The following LIMS2 variants were observed in gnomAD, a reference collection of about 807,000 sequenced individuals.
LIMS2 encodes LIM and senescent cell antigen-like-containing domain protein 2.
In LIMS2, 30 loss-of-function variants were observed where a neutral mutation model predicts 45.3. The observed-to-expected ratio is 0.66, with a 90% CI of 0.50 to 0.90. LIMS2 has a LOEUF of 0.90. Ranked by LOEUF, LIMS2 falls within the 40% of genes least tolerant of loss-of-function variation. LIMS2 has a pLI of 0.00. For missense variants in LIMS2, 485 were observed against 468.7 expected (o/e 1.03, Z -0.32); for synonymous variants, 173 against 188.0 (o/e 0.92, Z 0.65).
rs778992518 is a variant in LIMS2 at position 127,675,065 on chromosome 2, CG to C, written c.-42del. On this transcript the variant is annotated 5_prime_UTR_variant, in exon 1 of 10. Coordinates refer to ENST00000355119, the MANE Select transcript of LIMS2 (RefSeq NM_001161403.3). ...GAGCCCTGGGTTGCCGGGGTTGCCG[CG>C]GGTCTCCCTCTGCTGCTGCAGCCGC... 1 of 1,228,888 alleles carries C rather than the reference CG, an allele frequency of 8.1e-7. No homozygotes were observed. Among genetic ancestry groups the C allele is most frequent in the South Asian group, 4.1e-5 (1 of 24,312 alleles). The allele number at this position is 1,228,888 out of a possible 1,614,324, so 76.1% of individuals were successfully genotyped here. A position where few individuals can be genotyped will look rare whatever the true frequency, so the allele number is the denominator to read the frequency against.
rs562945179 is a variant in LIMS2, at chr2:127,651,723, G to A, written c.359+2701C>T. 3.1e-5 allele frequency: 50 copies of A among 1,612,900 alleles called. No homozygotes were observed. The highest frequency in any genetic ancestry group is 5.0e-5 in the Admixed American group (3 of 60,030). ...CCCCAGCTTCGAAGGGAAAACCAAC[G>A]AGAGCTCGCTGAGTGCCAAGTCAGA... On this transcript the variant is annotated intron_variant, in intron 4 of 9. Transcript: ENST00000355119.
rs369196530 is a variant in LIMS2, at chr2:127,640,246, G to A, written c.802+24C>T. ...CAGGCCCCAGGAGAGCAGGTGGGGT[G>A]GGGGAGGGAACACAGGGCCTCACCA... On this transcript the variant is annotated intron_variant, in intron 8 of 9. Coordinates refer to ENST00000355119, the MANE Select transcript of LIMS2 (RefSeq NM_001161403.3). 51 of 1,612,862 alleles carry A rather than the reference G, an allele frequency of 3.2e-5. No homozygotes were observed. The Admixed American group carries it at 8.3e-4, about 26-fold the overall frequency.
intron 6 of LIMS2, chr2:127,641,225 C>G (rs1331713192): frequency 6.1e-6 from 3 of 494,140 alleles, no homozygotes; most frequent in East Asian, 6.9e-5. Flanking sequence ...CTGGGGTCAG[C>G]AGACCCTACC....
chr2:127,670,762 G>T (rs1558902786), intron 1 of LIMS2, among the ~76,000 whole-genome samples: 1 of 152,228 alleles, frequency 6.6e-6, no homozygotes, highest in Non-Finnish European at 1.5e-5. Flanking sequence ...CGTGCCCTCA[G>T]CCCAGTGGGC....
At chr2:127,641,212 G>T in intron 6 of LIMS2, 1 of 523,526 alleles carries the variant, frequency 1.9e-6, no homozygotes, top group Non-Finnish European at 3.5e-6. Flanking sequence ...CTCTGTGAAT[G>T]CCCTGGGGTC....
intron 4 of LIMS2, chr2:127,646,381 C>T (rs1056308110): frequency 2.6e-5 from 4 of 152,228 alleles, no homozygotes; most frequent in Admixed American, 6.5e-5. Flanking sequence ...ACCTGTGCAT[C>T]GAAGGCTGAC....
intron 4 of LIMS2, 21 bp downstream of exon 4, chr2:127,654,403 G>T (rs747958285): frequency 6.2e-7 from 1 of 1,613,808 alleles, no homozygotes. Context: ...AGTCCTCTCT[G>T]GCCCAACACG....
At chr2:127,678,467 G>A (rs562705674), upstream of LIMS2, among the ~76,000 whole-genome samples, 90 of 152,342 alleles carry the variant, frequency 5.9e-4, no homozygotes, top group African/African-American at 2.1e-3. This position sits in a 1 kb window ranked among gnomAD's most constrained non-coding sequence, Gnocchi z 5.3. Context: ...TGTGGCCACT[G>A]TGTGAGGGAC....
At chr2:127,649,211 G>GGAAGGAAGGAAGGAAGGAAGGAAC (rs1488313626) in intron 4 of LIMS2, among the ~76,000 whole-genome samples, 3 of 150,604 alleles carry the variant, frequency 2.0e-5, no homozygotes, top group Admixed American at 1.3e-4. Context: ...AAGGAAGGAA[G>GGAAGGAAGGAAGGAAGGAAGGAAC]GGCAGGGAGA....
chr2:127,672,358 A>G lies in LIMS2; in HGVS notation c.11+2656T>C, dbSNP rs12618759. ...CTCTCTTCCCACGGCGTGCCACCCC[A>G]TGCTCTGGGCTGCCTTCACTCCCTG... On this transcript the variant is annotated intron_variant, in intron 1 of 9. Transcript: ENST00000355119. The surrounding 1 kb of genome is among the most constrained non-coding windows in gnomAD (Gnocchi z 4.9). 6.6e-6 allele frequency among the ~76,000 whole-genome samples: 1 copy of G among 152,050 alleles called. No individual in the cohort carries two copies. The highest frequency in any genetic ancestry group is 1.9e-4 in the East Asian group (1 of 5,188).
At chr2:127,670,880 C>T (rs1685241169) in intron 1 of LIMS2, among the ~76,000 whole-genome samples, 1 of 152,244 alleles carries the variant, frequency 6.6e-6, no homozygotes, top group Non-Finnish European at 1.5e-5. Flanking sequence ...CCATGAGTTT[C>T]CCGTGTATTC....
intron 4 of LIMS2, chr2:127,651,570 A>G: frequency 6.2e-7 from 1 of 1,612,836 alleles, no homozygotes; most frequent in Non-Finnish European, 8.5e-7. Flanking sequence ...GGCCCTGGCA[A>G]ACCGCATCAC....
Position 127,653,481 on chromosome 2 carries a change from G to C in LIMS2, c.359+943C>G, listed in dbSNP as rs74370487. 1.3e-5 allele frequency among the ~76,000 whole-genome samples: 2 copies of C among 152,332 alleles called. No individual in the cohort carries two copies. Among genetic ancestry groups the C allele is most frequent in the African/African-American group, 2.4e-5 (1 of 41,572 alleles). ...CTGAAGTGGAGCCTGGAATTCTCCAGACACATGTGCCATTTAGGGCTCTAG... is the reference window on the plus strand; with the variant it reads ...CTGAAGTGGAGCCTGGAATTCTCCACACACATGTGCCATTTAGGGCTCTAG... On this transcript the variant is annotated intron_variant, in intron 4 of 9. Coordinates refer to ENST00000355119, the MANE Select transcript of LIMS2 (RefSeq NM_001161403.3). This position sits in a 1 kb window ranked among gnomAD's most constrained non-coding sequence, Gnocchi z 5.3.
intron 1 of LIMS2, among the ~76,000 whole-genome samples, chr2:127,673,142 AGGGT>A (rs1685344272): frequency 6.6e-6 from 1 of 152,200 alleles, no homozygotes; most frequent in African/African-American, 2.4e-5. Flanking sequence ...TGCGGGCAGC[AGGGT>A]CACCTTTGAA....
chr2:127,644,198 C>T, intron 4 of LIMS2: 1 of 435,826 alleles, frequency 2.3e-6, no homozygotes, highest in Non-Finnish European at 4.7e-6. Context: ...GGCTAAGCTG[C>T]CGACTGGCTC....
At chr2:127,639,922 C>G in intron 9 of LIMS2, 148 bp downstream of exon 9, 1 of 792,446 alleles carries the variant, frequency 1.3e-6, no homozygotes, top group Non-Finnish European at 2.1e-6. Context: ...CTGCCCCCAT[C>G]TCCCTGGGTG....
At chr2:127,652,795 G>A (rs961710271) in intron 4 of LIMS2, among the ~76,000 whole-genome samples, 2 of 152,218 alleles carry the variant, frequency 1.3e-5, no homozygotes, top group African/African-American at 4.8e-5. Flanking sequence ...CTGAGGTTCT[G>A]CACTGTGGGG....
intron 1 of LIMS2, among the ~76,000 whole-genome samples, chr2:127,661,522 T>C (rs1477204324): frequency 6.6e-6 from 1 of 152,158 alleles, no homozygotes; most frequent in African/African-American, 2.4e-5. Flanking sequence ...TGCACATTCC[T>C]TCAAGATAGA....
chr2:127,668,704 AAAAAAAACAC>A (rs1685147774), intron 1 of LIMS2, among the ~76,000 whole-genome samples: 1 of 132,126 alleles, frequency 7.6e-6, no homozygotes, highest in African/African-American at 3.1e-5. Context: ...AAAAAAAAAA[AAAAAAAACAC>A]CTTACTTAAA....
Sources: allele counts gnomAD v4.1 joint callset (sites outside exome capture counted in the v4.1 genomes callset), GRCh38; gene constraint gnomAD v4.1.1; non-coding constraint Gnocchi (gnomAD v3.1); transcripts MANE v1.5; gene names NCBI Gene and HGNC (gene_info 2026-07-23, HGNC 2026-07-21).